RBM26: variants seen among roughly 807,000 people sequenced by gnomAD.
RBM26 encodes RNA-binding protein 26.
A neutral mutation model predicts 123.6 loss-of-function variants in RBM26; 30 were observed. The ratio of observed to expected loss-of-function variants is 0.24; its 90% CI spans 0.18 to 0.33. The LOEUF (loss-of-function observed/expected upper bound fraction) is 0.33. RBM26 is among the 10% of genes least tolerant of loss of function. The pLI, the probability that RBM26 is intolerant of heterozygous loss-of-function variation, is 1.00. For synonymous variants in RBM26, 400 were observed against 404.4 expected (o/e 0.99, Z 0.13); for missense variants, 947 against 1,203.6 (o/e 0.79, Z 3.15).
chr13:79,373,380 TA>T (rs2076227408), intron 3 of RBM26, among the ~76,000 whole-genome samples: 1 of 98,716 alleles, frequency 1.0e-5, no homozygotes, highest in East Asian at 2.7e-4. Context: ...ATATATATTA[TA>T]TATAAATATA....
intron 11 of RBM26, among the ~76,000 whole-genome samples, chr13:79,356,891 G>A (rs1469397011): frequency 6.6e-6 from 1 of 152,172 alleles, no homozygotes; most frequent in Non-Finnish European, 1.5e-5. Flanking sequence ...AATATTACCA[G>A]TGTAGTTAAT....
intron 1 of RBM26, among the ~76,000 whole-genome samples, chr13:79,394,036 C>T (rs2078336109): frequency 6.6e-6 from 1 of 152,178 alleles, no homozygotes; most frequent in East Asian, 1.9e-4. Context: ...ATTTGTGCGC[C>T]TGCGGCTTTT....
chr13:79,385,484 G>A (rs1032016281), intron 1 of RBM26, among the ~76,000 whole-genome samples: 2 of 152,006 alleles, frequency 1.3e-5, no homozygotes, highest in African/African-American at 4.8e-5. Context: ...AAAACTATTG[G>A]CCAGTTCTTT....
At chr13:79,354,626 G>A in intron 12 of RBM26, 56 bp from the exon 13 acceptor site, 1 of 1,465,810 alleles carries the variant, frequency 6.8e-7, no homozygotes, top group African/African-American at 1.4e-5. Flanking sequence ...GATGGAAAGT[G>A]ACCTGTGTTA....
At chr13:79,369,020 C>T (rs1156348336) in intron 5 of RBM26, 30 bp from the exon 6 acceptor site, 1 of 1,434,164 alleles carries the variant, frequency 7.0e-7, no homozygotes, top group African/African-American at 1.6e-5. Flanking sequence ...ACATATAAAA[C>T]TACACTGTAT....
At position 79,406,082 on chromosome 13, in the gene RBM26, G is replaced by A. The variant is rs1391370282; in HGVS notation, c.-308C>T. On this transcript the variant is annotated 5_prime_UTR_variant, in exon 1 of 22. Transcript: ENST00000438737. Reference sequence around the variant, plus strand: ...TCTACCCAGACCGGAAGCGCGACACGCGCTTAGACCCGAGCCTTCTCTCAG... The same window carrying A: ...TCTACCCAGACCGGAAGCGCGACACACGCTTAGACCCGAGCCTTCTCTCAG... 4.4e-6 allele frequency: 1 copy of A among 226,442 alleles called. No homozygotes were observed. The highest frequency in any genetic ancestry group is 8.5e-6 in the Non-Finnish European group (1 of 117,462). 14.0% of individuals were successfully genotyped at this position (226,442 alleles called of 1,614,324 possible).
intron 1 of RBM26, among the ~76,000 whole-genome samples, chr13:79,391,569 G>A (rs1344798489): frequency 2.6e-5 from 4 of 152,018 alleles, no homozygotes; most frequent in Non-Finnish European, 4.4e-5. Flanking sequence ...GATTACAGGC[G>A]CCCACCACAA....
At position 79,320,045 on chromosome 13, in the gene RBM26, A is replaced by G. The variant is rs533912228; in HGVS notation, c.*576T>C. 3.0e-4 allele frequency: 286 copies of G among 959,398 alleles called. 2 individuals are homozygous for G. The South Asian group carries it at 5.1e-3, about 17-fold the overall frequency. 59.4% of individuals were successfully genotyped at this position (959,398 alleles called of 1,614,324 possible). ...CCACTTTATTATAACATCTGGATGC[A>G]TAAGGACTCATGTAAAGCAGTCATA... On this transcript the variant is annotated 3_prime_UTR_variant, in exon 22 of 22. Transcript: ENST00000438737.
At chr13:79,401,137 A>G (rs2079027625) in intron 1 of RBM26, among the ~76,000 whole-genome samples, 1 of 152,212 alleles carries the variant, frequency 6.6e-6, no homozygotes, top group African/African-American at 2.4e-5. Context: ...TCATTTAGCC[A>G]ACCCAAAAGA....
At chr13:79,372,336 TATTAACATTAACATTTA>T (rs1235696012) in intron 3 of RBM26, among the ~76,000 whole-genome samples, 5 of 152,176 alleles carry the variant, frequency 3.3e-5, no homozygotes, top group African/African-American at 1.2e-4. Context: ...TTAATGACTT[TATTAACATTAACATTTA>T]ATTAACATTA....
intron 1 of RBM26, among the ~76,000 whole-genome samples, chr13:79,385,135 T>C (rs1402250462): frequency 6.6e-6 from 1 of 152,200 alleles, no homozygotes; most frequent in Non-Finnish European, 1.5e-5. Context: ...ATATCTAATT[T>C]GCATCAAAGT....
intron 1 of RBM26, among the ~76,000 whole-genome samples, chr13:79,389,897 G>C (rs564303905): frequency 6.6e-6 from 1 of 152,128 alleles, no homozygotes. Flanking sequence ...GAATTCTATG[G>C]AACCACTGGA....
intron 9 of RBM26, among the ~76,000 whole-genome samples, chr13:79,360,033 T>A (rs1359559456): frequency 6.6e-6 from 1 of 152,082 alleles, no homozygotes; most frequent in African/African-American, 2.4e-5. Context: ...AGGCATTTTA[T>A]CATCCCCTAT....
chr13:79,398,645 C>G (rs2078799675), intron 1 of RBM26, among the ~76,000 whole-genome samples: 1 of 152,066 alleles, frequency 6.6e-6, no homozygotes, highest in South Asian at 2.1e-4. Flanking sequence ...TTGCACATAG[C>G]AACATTCAAT....
chr13:79,381,965 T>A (rs2077101763), intron 1 of RBM26, among the ~76,000 whole-genome samples: 1 of 152,102 alleles, frequency 6.6e-6, no homozygotes, highest in African/African-American at 2.4e-5. Context: ...TGAATTTGCA[T>A]TTGGGAAACA....
At chr13:79,367,826 T>C (rs1291762781) in intron 6 of RBM26, among the ~76,000 whole-genome samples, 2 of 151,934 alleles carry the variant, frequency 1.3e-5, no homozygotes, top group Admixed American at 1.3e-4. Context: ...AACGTATACA[T>C]ACTAAAAAAA....
At chr13:79,398,288 G>A (rs1161548470) in intron 1 of RBM26, among the ~76,000 whole-genome samples, 2 of 152,054 alleles carry the variant, frequency 1.3e-5, no homozygotes, top group Non-Finnish European at 2.9e-5. Flanking sequence ...AACTAACATG[G>A]GAATATTTTA....
intron 3 of RBM26, chr13:79,376,228 C>G (rs1046358523): frequency 1.3e-5 from 2 of 151,860 alleles, no homozygotes; most frequent in African/African-American, 4.8e-5. Context: ...CAGACAGGGT[C>G]TTGCTCAGTT....
chr13:79,405,532 G>C (rs1346444010), intron 1 of RBM26, among the ~76,000 whole-genome samples, 172 bp downstream of exon 1: 3 of 151,786 alleles, frequency 2.0e-5, no homozygotes, highest in African/African-American at 7.3e-5. Flanking sequence ...AGGCTCTCGG[G>C]GGTATCCTGA....
Sources: gnomAD v4.1 joint callset for allele counts (sites outside exome capture counted in the v4.1 genomes callset) on GRCh38, gnomAD v4.1.1 for gene constraint, MANE v1.5 for transcripts, NCBI Gene and HGNC (gene_info 2026-07-23, HGNC 2026-07-21) for gene names.